The following DNAH12 variants were observed in gnomAD, a reference collection of about 807,000 sequenced individuals.
DNAH12 encodes axonemal beta dynein heavy chain 12.
In DNAH12, 285 loss-of-function variants were observed where a neutral mutation model predicts 371.5. The observed-to-expected ratio is 0.77, with a 90% CI of 0.70 to 0.85. DNAH12 has a LOEUF of 0.85. DNAH12 is among the 40% of genes least tolerant of loss of function. The probability of loss-of-function intolerance (pLI) is 0.00; values close to 1 mark genes in which losing one functional copy is unlikely to be tolerated. For missense variants in DNAH12, 3,611 were observed against 3,689.4 expected (o/e 0.98, Z 0.55); for synonymous variants, 1,200 against 1,213.0 (o/e 0.99, Z 0.22).
At chr3:57,335,216 G>T (rs552309307) in intron 60 of DNAH12, among the ~76,000 whole-genome samples, 72 of 152,312 alleles carry the variant, frequency 4.7e-4, no homozygotes, top group Non-Finnish European at 8.7e-4. Flanking sequence ...AGAGCAGGGA[G>T]GTGTGATCAG....
At chr3:57,349,526 C>T (rs2062622295) in intron 60 of DNAH12, among the ~76,000 whole-genome samples, 1 of 152,154 alleles carries the variant, frequency 6.6e-6, no homozygotes, top group Admixed American at 6.5e-5. Context: ...ACGTTTATAG[C>T]AGCACAATTT....
chr3:57,530,794 G>T, intron 2 of DNAH12: 1 of 221,654 alleles, frequency 4.5e-6, no homozygotes, highest in Non-Finnish European at 9.3e-6. Context: ...CCCACATCCA[G>T]CCTCAAGGTA....
intron 33 of DNAH12, among the ~76,000 whole-genome samples, 186 bp from the exon 34 acceptor site, chr3:57,429,007 G>A (rs531925628): frequency 6.6e-6 from 1 of 152,262 alleles, no homozygotes; most frequent in East Asian, 1.9e-4. Flanking sequence ...CCCCAGATAT[G>A]TAAAGGCTCC....
At chr3:57,415,373 C>A in intron 38 of DNAH12, 53 bp downstream of exon 38, 1 of 1,529,760 alleles carries the variant, frequency 6.5e-7, no homozygotes, top group South Asian at 1.3e-5. Flanking sequence ...AAACACTGAG[C>A]AAATAAGACA....
chr3:57,374,185 G>A (rs2063234395), intron 55 of DNAH12, among the ~76,000 whole-genome samples: 1 of 152,112 alleles, frequency 6.6e-6, no homozygotes, highest in Admixed American at 6.5e-5. Flanking sequence ...TATTCACTAA[G>A]TTATCTTTAC....
chr3:57,394,712 G>A (rs927184519), intron 43 of DNAH12, among the ~76,000 whole-genome samples: 2 of 152,258 alleles, frequency 1.3e-5, no homozygotes. Context: ...CTCATGGTAT[G>A]AGCCTGCTGG....
intron 71 of DNAH12, 57 bp from the exon 72 acceptor site, chr3:57,296,492 A>C (rs2061236318): frequency 1.6e-6 from 2 of 1,283,374 alleles, no homozygotes; most frequent in African/African-American, 3.0e-5. Context: ...CATCTCATAA[A>C]GAACACATTA....
At chr3:57,332,579 A>G (rs1202603246) in intron 62 of DNAH12, among the ~76,000 whole-genome samples, 4 of 152,220 alleles carry the variant, frequency 2.6e-5, no homozygotes, top group Non-Finnish European at 5.9e-5. Flanking sequence ...AGGCAGAGCA[A>G]TGCAGTGTCA....
At chr3:57,403,209 C>T (rs1221669522) in intron 43 of DNAH12, 100 bp downstream of exon 43, 8 of 1,159,418 alleles carry the variant, frequency 6.9e-6, no homozygotes, top group African/African-American at 1.6e-5. Flanking sequence ...TCATCATCAT[C>T]ACTGGAGTTC....
At chr3:57,319,977 A>T (rs954405471) in intron 65 of DNAH12, among the ~76,000 whole-genome samples, 4 of 152,154 alleles carry the variant, frequency 2.6e-5, no homozygotes, top group Non-Finnish European at 5.9e-5. Context: ...TTCTTCTGTT[A>T]ATGTGTATTA....
chr3:57,294,456 T>C (rs1579448256), intron 73 of DNAH12, among the ~76,000 whole-genome samples: 1 of 152,286 alleles, frequency 6.6e-6, no homozygotes, highest in Middle Eastern at 3.4e-3. Context: ...ATTACAGGCG[T>C]GAGCCACTGC....
chr3:57,309,776 T>C lies in DNAH12; in HGVS notation c.10975A>G (p.Lys3659Glu). 6.4e-7 allele frequency: 1 copy of C among 1,551,608 alleles called. No homozygotes were observed. The highest frequency in any genetic ancestry group is 8.7e-7 in the Non-Finnish European group (1 of 1,146,932). ...VDISKDLQQTKTLFESLLLTQ... is the reference protein window; with the variant it reads ...VDISKDLQQTETLFESLLLTQ... ...AGGAGCAAGGACTCAAAGAGGGTTT[T>C]TGTTTGTTGAAGATCCTTGGAGATG... Residue 3659 changes from lysine (K) to glutamate (E), a missense_variant, in exon 68 of 74, where the codon AAA (lysine) becomes GAA (glutamate). Around this residue, in one of 3 missense-constraint regions of DNAH12, gnomAD observed 2,266 missense variants for 2,236.9 expected, o/e 1.01. Transcript: ENST00000495027.
At chr3:57,441,090 C>T (rs1203258676) in intron 29 of DNAH12, among the ~76,000 whole-genome samples, 1 of 152,006 alleles carries the variant, frequency 6.6e-6, no homozygotes, top group Non-Finnish European at 1.5e-5. Context: ...TCATAGATGA[C>T]CCAGATGTCA....
At chr3:57,548,516 C>T (rs1426461066), upstream of DNAH12, among the ~76,000 whole-genome samples, 1 of 152,092 alleles carries the variant, frequency 6.6e-6, no homozygotes, top group Non-Finnish European at 1.5e-5. Flanking sequence ...TGAGATCAGA[C>T]TGGGCAACAT....
chr3:57,496,619 G>A (rs910865504), intron 11 of DNAH12, among the ~76,000 whole-genome samples: 3 of 152,132 alleles, frequency 2.0e-5, no homozygotes, highest in Admixed American at 1.3e-4. Flanking sequence ...CAGCAAGGAT[G>A]CCCTATGTCA....
chr3:57,405,976 G>C (rs782076507), intron 40 of DNAH12, 24 bp from the exon 41 acceptor site: 23 of 1,523,596 alleles, frequency 1.5e-5, no homozygotes, highest in African/African-American at 1.1e-4. Flanking sequence ...AAGCAACAAA[G>C]CAAAAATAAA....
intron 2 of DNAH12, among the ~76,000 whole-genome samples, chr3:57,541,412 A>G (rs2069277788): frequency 6.6e-6 from 1 of 151,966 alleles, no homozygotes; most frequent in African/African-American, 2.4e-5. Flanking sequence ...CATTGCTGGG[A>G]GTGCAATGAT....
At chr3:57,490,429 G>A (rs2067076924) in intron 11 of DNAH12, among the ~76,000 whole-genome samples, 1 of 152,138 alleles carries the variant, frequency 6.6e-6, no homozygotes, top group Admixed American at 6.6e-5. Context: ...CCCAAACACT[G>A]GGGTAATTTT....
intron 5 of DNAH12, among the ~76,000 whole-genome samples, chr3:57,509,968 G>C (rs1366035694): frequency 1.4e-5 from 2 of 142,840 alleles, no homozygotes; most frequent in Non-Finnish European, 3.0e-5. Flanking sequence ...TAGATTTTAT[G>C]TTCCCACCAC....
Sources: allele counts gnomAD v4.1 joint callset (sites outside exome capture counted in the v4.1 genomes callset), GRCh38; gene constraint gnomAD v4.1.1; regional missense constraint gnomAD v4.1.1; transcripts MANE v1.5; gene names NCBI Gene and HGNC (gene_info 2026-07-23, HGNC 2026-07-21).